The following ITGA8 variants were observed in gnomAD, a reference collection of about 807,000 sequenced individuals.
ITGA8 encodes integrin subunit alpha 8.
ITGA8 carries 91 observed loss-of-function variants against 142.3 expected under a neutral mutation model. The observed-to-expected ratio is 0.64, with a 90% CI of 0.54 to 0.76. The LOEUF (loss-of-function observed/expected upper bound fraction) is 0.76, where lower values mean the gene tolerates loss of function less well. Ranked by LOEUF, ITGA8 falls within the 30% of genes least tolerant of loss-of-function variation. The probability of loss-of-function intolerance (pLI) is 0.00; values close to 1 mark genes in which losing one functional copy is unlikely to be tolerated. For missense variants in ITGA8, 1,406 were observed against 1,327.7 expected (o/e 1.06, Z -0.92); for synonymous variants, 505 against 485.2 (o/e 1.04, Z -0.54).
intron 13 of ITGA8, among the ~76,000 whole-genome samples, chr10:15,632,751 C>A (rs1389911031): frequency 6.6e-6 from 1 of 151,918 alleles, no homozygotes; most frequent in African/African-American, 2.4e-5. Context: ...CCCTGAGGAG[C>A]TGGTTGTTAA....
chr10:15,572,821 G>A (rs562238948), intron 24 of ITGA8, among the ~76,000 whole-genome samples: 12 of 152,292 alleles, frequency 7.9e-5, no homozygotes, highest in Admixed American at 6.5e-4. Context: ...CTGGAAGAAT[G>A]TCCATCCATC....
chr10:15,631,471 A>C (rs2131634214), intron 13 of ITGA8, among the ~76,000 whole-genome samples: 1 of 152,080 alleles, frequency 6.6e-6, no homozygotes, highest in Middle Eastern at 3.4e-3. Context: ...CAGGAACAGA[A>C]AACCAAACAC....
intron 2 of ITGA8, among the ~76,000 whole-genome samples, chr10:15,711,262 A>G (rs1835358329): frequency 6.6e-6 from 1 of 152,194 alleles, no homozygotes. Context: ...AAGTTCCTAC[A>G]TGATGATCTG....
intron 13 of ITGA8, among the ~76,000 whole-genome samples, chr10:15,629,128 G>T (rs895984558): frequency 3.9e-5 from 6 of 151,932 alleles, no homozygotes; most frequent in African/African-American, 1.5e-4. Context: ...GCATCTGAAG[G>T]CCCAGTGAGA....
intron 23 of ITGA8, among the ~76,000 whole-genome samples, chr10:15,584,747 GATAA>G (rs1832793451): frequency 6.6e-6 from 1 of 152,082 alleles, no homozygotes; most frequent in Non-Finnish European, 1.5e-5. Flanking sequence ...GAGTAGAATA[GATAA>G]ATAAATTATG....
intron 26 of ITGA8, among the ~76,000 whole-genome samples, chr10:15,551,083 A>G (rs1833785647): frequency 6.6e-6 from 1 of 152,108 alleles, no homozygotes; most frequent in Non-Finnish European, 1.5e-5. Flanking sequence ...GGGATTCTAG[A>G]GAGGAGGTAC....
intron 19 of ITGA8, 79 bp from the exon 20 acceptor site, chr10:15,604,434 G>A: frequency 1.6e-6 from 2 of 1,220,206 alleles, no homozygotes; most frequent in Non-Finnish European, 2.2e-6. Flanking sequence ...GATTTATAGA[G>A]GAGGAAAAGA....
At position 15,592,301 on chromosome 10, in the gene ITGA8, A is replaced by G; in HGVS notation, c.2215T>C (p.Ser739Pro). Residue 739 changes from serine (S) to proline (P), a missense_variant, in exon 22 of 30, where the codon TCC becomes CCC. By Grantham distance (74) the Ser-to-Pro change is moderately conservative. Transcript: ENST00000378076. The stretch of plus-strand genomic sequence containing the variant: ...GGAACTGCAAATCGGAGGCCCAGGG[A>G]ATACTAAAAAATAAAATAAAATCAC... Reference protein sequence around the residue: ...GNPMVSGTNYSLGLRFAVPRL... With the variant: ...GNPMVSGTNYPLGLRFAVPRL... 1.2e-6 allele frequency: 2 copies of G among 1,608,058 alleles called. No homozygotes were observed. The highest frequency in any genetic ancestry group is 2.2e-5 in the East Asian group (1 of 44,814).
Position 15,660,869 on chromosome 10 carries a change from C to T in ITGA8, c.891+10G>A, listed in dbSNP as rs756969502. 5.6e-6 allele frequency: 9 copies of T among 1,610,500 alleles called. No homozygotes were observed. In the Admixed American group the frequency reaches 1.5e-4, roughly 27 times the overall value. Reference sequence around the variant, plus strand: ...ATACCCTATTCCTGTAATGCATTCTCAGTACTCACATATCCAAAATTCTGT... The same window carrying T: ...ATACCCTATTCCTGTAATGCATTCTTAGTACTCACATATCCAAAATTCTGT... On this transcript the variant is annotated intron_variant, in intron 9 of 29. Transcript: ENST00000378076.
intron 29 of ITGA8, 87 bp downstream of exon 29, chr10:15,519,203 T>C (rs1384392050): frequency 6.6e-7 from 1 of 1,508,016 alleles, no homozygotes; most frequent in South Asian, 1.2e-5. Context: ...GCCTCCATAA[T>C]TGTCTTTTAA....
chr10:15,517,271 A>T (rs776988253), intron 29 of ITGA8, 27 bp from the exon 30 acceptor site: 1 of 1,500,396 alleles, frequency 6.7e-7, no homozygotes, highest in Non-Finnish European at 9.2e-7. Flanking sequence ...GGGCTATAAA[A>T]TCACGTCATT....
At chr10:15,683,955 A>G (rs752792737) in intron 4 of ITGA8, 49 bp downstream of exon 4, 4 of 1,610,840 alleles carry the variant, frequency 2.5e-6, no homozygotes, top group Non-Finnish European at 3.4e-6. Context: ...TGTCTACGAT[A>G]GAAAAGCACT....
chr10:15,560,687 T>C (rs1200597893), intron 25 of ITGA8, among the ~76,000 whole-genome samples: 1 of 152,134 alleles, frequency 6.6e-6, no homozygotes, highest in African/African-American at 2.4e-5. Context: ...TACAAGATAT[T>C]AGTAAGGGGA....
At chr10:15,580,171 G>T (rs190213627) in intron 23 of ITGA8, among the ~76,000 whole-genome samples, 17 of 144,280 alleles carry the variant, frequency 1.2e-4, no homozygotes, top group African/African-American at 4.0e-4. Context: ...GATATAAACT[G>T]CCAATATCAA....
chr10:15,523,953 C>CA (rs1833118309), intron 28 of ITGA8, among the ~76,000 whole-genome samples: 1 of 151,864 alleles, frequency 6.6e-6, no homozygotes, highest in Non-Finnish European at 1.5e-5. Context: ...AACAAAAAAA[C>CA]AAAAAACACT....
At chr10:15,606,937 C>T in intron 17 of ITGA8, among the ~76,000 whole-genome samples, 1 of 152,146 alleles carries the variant, frequency 6.6e-6, no homozygotes, top group East Asian at 1.9e-4. Flanking sequence ...AGAAACAGAA[C>T]TCCTTTAGTA....
chr10:15,526,284 C>G (rs750747944), intron 28 of ITGA8, among the ~76,000 whole-genome samples: 1 of 151,860 alleles, frequency 6.6e-6, no homozygotes, highest in African/African-American at 2.4e-5. Flanking sequence ...TCAAGAGATT[C>G]TCTTGCCTCA....
intron 27 of ITGA8, among the ~76,000 whole-genome samples, chr10:15,538,744 T>G (rs1019143481): frequency 1.3e-5 from 2 of 152,084 alleles, no homozygotes; most frequent in African/African-American, 2.4e-5. Context: ...TGCTTTTAAT[T>G]TAGTTTAGTG....
chr10:15,528,002 G>A (rs747486119), intron 28 of ITGA8, among the ~76,000 whole-genome samples: 1 of 129,008 alleles, frequency 7.8e-6, no homozygotes, highest in South Asian at 2.7e-4. Context: ...TGCAACCTCC[G>A]CCTCTCAGGC....
Sources: allele counts gnomAD v4.1 joint callset (sites outside exome capture counted in the v4.1 genomes callset), GRCh38; gene constraint gnomAD v4.1.1; transcripts MANE v1.5; gene names NCBI Gene and HGNC (gene_info 2026-07-23, HGNC 2026-07-21).